The following TNIP3 variants were observed in gnomAD, a reference collection of about 807,000 sequenced individuals.
TNIP3 encodes the protein TNFAIP3-interacting protein 3.
In TNIP3, 34 loss-of-function variants were observed where a neutral mutation model predicts 54.1. The ratio of observed to expected loss-of-function variants is 0.63; its 90% confidence interval spans 0.48 to 0.84. TNIP3 has a LOEUF of 0.84. Ranked by LOEUF, TNIP3 falls within the 40% of genes least tolerant of loss-of-function variation. TNIP3 has a pLI of 0.00. For missense variants in TNIP3, 366 were observed against 387.6 expected (o/e 0.94, Z 0.47); for synonymous variants, 134 against 136.8 (o/e 0.98, Z 0.14).
intron 3 of TNIP3, among the ~76,000 whole-genome samples, chr4:121,177,355 G>A (rs1015898377): frequency 2.0e-5 from 3 of 152,072 alleles, no homozygotes; most frequent in African/African-American, 7.2e-5. Context: ...AACTCTCCCA[G>A]AATATAAAAG....
intron 2 of TNIP3, chr4:121,216,333 A>T: frequency 5.8e-6 from 7 of 1,202,146 alleles, no homozygotes; most frequent in Non-Finnish European, 8.2e-6. Flanking sequence ...CTCTTAATAC[A>T]CTATCATTGC....
chr4:121,134,872 C>A (rs1728686691), intron 10 of TNIP3, among the ~76,000 whole-genome samples: 1 of 152,206 alleles, frequency 6.6e-6, no homozygotes, highest in African/African-American at 2.4e-5. Context: ...CTCCTGGCAC[C>A]CAAATGCACA....
chr4:121,185,572 C>T (rs1451501336), intron 2 of TNIP3, among the ~76,000 whole-genome samples: 3 of 152,124 alleles, frequency 2.0e-5, no homozygotes, highest in Admixed American at 1.3e-4. Context: ...AGTAGGACAT[C>T]AATAAGGATT....
intron 10 of TNIP3, 92 bp from the exon 11 acceptor site, chr4:121,132,754 G>GAA (rs1349358350): frequency 1.0e-6 from 1 of 995,882 alleles, no homozygotes; most frequent in Non-Finnish European, 1.5e-6. Context: ...TTCCAGGATG[G>GAA]CAAAAAAAAA....
At chr4:121,163,099 T>C (rs1730553617) in intron 1 of TNIP3, among the ~76,000 whole-genome samples, 1 of 152,296 alleles carries the variant, frequency 6.6e-6, no homozygotes, top group East Asian at 1.9e-4. Context: ...TATTTGTAAC[T>C]GCACGAGTAC....
intron 3 of TNIP3, among the ~76,000 whole-genome samples, chr4:121,181,799 T>C (rs564201078): frequency 2.0e-5 from 3 of 152,176 alleles, no homozygotes; most frequent in East Asian, 1.9e-4. Flanking sequence ...AAGAAACAAA[T>C]TTATGGATGC....
chr4:121,225,463 G>T (rs779955950), intron 1 of TNIP3, among the ~76,000 whole-genome samples: 1 of 152,024 alleles, frequency 6.6e-6, no homozygotes, highest in Non-Finnish European at 1.5e-5. Context: ...GGATGTACAC[G>T]TGAAAAGTGA....
chr4:121,155,014 G>A (rs1051583004), intron 4 of TNIP3, among the ~76,000 whole-genome samples: 9 of 150,628 alleles, frequency 6.0e-5, no homozygotes, highest in African/African-American at 2.2e-4. Context: ...CCGGCCTGGA[G>A]TGCAATGGTG....
chr4:121,139,678 G>A (rs1323950949), intron 9 of TNIP3, among the ~76,000 whole-genome samples: 1 of 152,192 alleles, frequency 6.6e-6, no homozygotes, highest in Non-Finnish European at 1.5e-5. Context: ...GAGAAATGCT[G>A]CTTTTAGTGC....
In TNIP3 at chr4:121,132,431, C is replaced by A; in HGVS notation, c.*200G>T. The stretch of plus-strand genomic sequence containing the variant: ...GAAGTTGTATTTGGTTGTATAATAA[C>A]TGGCTCCTCCAATTTGATCAGGATC... On this transcript the variant is annotated 3_prime_UTR_variant, in exon 11 of 11. Coordinates refer to ENST00000057513, the MANE Select transcript of TNIP3 (RefSeq NM_024873.6). The A allele has an allele frequency of 2.1e-6, 1 of 486,294 alleles. No individual in the cohort carries two copies. Among genetic ancestry groups the A allele is most frequent in the Non-Finnish European group, 3.7e-6 (1 of 273,406 alleles). 30.1% of individuals were successfully genotyped at this position (486,294 alleles called of 1,614,324 possible). A position where few individuals can be genotyped will look rare whatever the true frequency, so the allele number is the denominator to read the frequency against.
intron 2 of TNIP3, among the ~76,000 whole-genome samples, chr4:121,195,936 G>C (rs937014612): frequency 6.6e-6 from 1 of 152,224 alleles, no homozygotes; most frequent in African/African-American, 2.4e-5. Context: ...TTACACTCAC[G>C]TTGCTGATGC....
At chr4:121,162,581 T>C (rs1373065900) in intron 1 of TNIP3, among the ~76,000 whole-genome samples, 1 of 152,212 alleles carries the variant, frequency 6.6e-6, no homozygotes, top group East Asian at 1.9e-4. Flanking sequence ...TAAGCATCTT[T>C]GATCTGGAAA....
At chr4:121,149,748 A>C (rs1037554304) in intron 6 of TNIP3, among the ~76,000 whole-genome samples, 1 of 152,194 alleles carries the variant, frequency 6.6e-6, no homozygotes, top group African/African-American at 2.4e-5. Context: ...CCTCAGTGAC[A>C]ATGGGAGACT....
At chr4:121,138,571 G>T (rs1323100170) in intron 10 of TNIP3, 53 bp downstream of exon 10, 4 of 1,515,178 alleles carry the variant, frequency 2.6e-6, no homozygotes, top group Admixed American at 1.7e-5. Flanking sequence ...ATCCCCAAAA[G>T]ATCCCATTAA....
intron 7 of TNIP3, 139 bp from the exon 8 acceptor site, chr4:121,142,915 A>G (rs1198293216): frequency 1.3e-5 from 8 of 635,006 alleles, no homozygotes; most frequent in Non-Finnish European, 2.2e-5. Flanking sequence ...TTTTGCAGAC[A>G]TGCATTGATT....
chr4:121,153,179 G>A (rs372406684), intron 5 of TNIP3, among the ~76,000 whole-genome samples: 6 of 151,846 alleles, frequency 4.0e-5, no homozygotes, highest in East Asian at 3.8e-4. Context: ...GTAAAATTTC[G>A]TGTAGAATTA....
chr4:121,169,656 A>T (rs1730962999), intron 3 of TNIP3, among the ~76,000 whole-genome samples: 2 of 152,322 alleles, frequency 1.3e-5, no homozygotes, highest in African/African-American at 4.8e-5. Context: ...ATGCTCCCAA[A>T]TCATACATCT....
In TNIP3 at chr4:121,157,106, C is replaced by T. The variant is rs529597531; in HGVS notation, c.351G>A (p.Leu117=). The change falls in exon 4 of 11, where the codon CTG becomes CTA. Residue 117 remains leucine (L), a synonymous_variant. Coordinates refer to ENST00000057513, the MANE Select transcript of TNIP3 (RefSeq NM_024873.6). ...DRQRDLTRDR[L]QREEKEKERL... ...GGGCCCCGCCCACCTCCTCCCGCTG[C>T]AGCCGGTCCCGGGTCAGGTCGCGCT... The T allele has an allele frequency of 1.4e-5, 22 of 1,612,698 alleles. No homozygotes were observed. In the African/African-American group the frequency reaches 2.3e-4, roughly 17 times the overall value.
intron 2 of TNIP3, among the ~76,000 whole-genome samples, chr4:121,215,656 C>T (rs1008620862): frequency 2.0e-5 from 3 of 152,050 alleles, no homozygotes; most frequent in East Asian, 1.9e-4. Context: ...AGCACTTCTT[C>T]GTGTATTTCT....
Sources: allele counts gnomAD v4.1 joint callset (sites outside exome capture counted in the v4.1 genomes callset), GRCh38; gene constraint gnomAD v4.1.1; transcripts MANE v1.5; gene names NCBI Gene and HGNC (gene_info 2026-07-23, HGNC 2026-07-21).